The following NDRG2 variants were observed in gnomAD, a reference collection of about 807,000 sequenced individuals.
NDRG2 encodes the protein protein NDRG2.
NDRG2 carries 34 observed loss-of-function variants against 58.2 expected under a neutral mutation model. That is an observed-to-expected ratio of 0.58 (90% CI 0.44 to 0.78). The LOEUF (loss-of-function observed/expected upper bound fraction) is 0.78, where lower values mean the gene tolerates loss of function less well. NDRG2 is among the 30% of genes least tolerant of loss of function. NDRG2 has a pLI of 0.00. For synonymous variants in NDRG2, 187 were observed against 175.9 expected (o/e 1.06, Z -0.50); for missense variants, 434 against 471.2 (o/e 0.92, Z 0.73).
intron 1 of NDRG2, chr14:21,023,564 C>G: frequency 2.0e-6 from 1 of 502,914 alleles, no homozygotes; most frequent in Non-Finnish European, 3.5e-6. Flanking sequence ...CCCACTGCCA[C>G]CCTCAACACC....
chr14:21,040,168 T>C (rs1016265938), intron 1 of NDRG2, among the ~76,000 whole-genome samples: 6 of 152,182 alleles, frequency 3.9e-5, no homozygotes, highest in African/African-American at 1.4e-4. Flanking sequence ...AAGTTTGGGA[T>C]ACCTTAACAA....
chr14:21,024,726 G>T lies in NDRG2; in HGVS notation c.-703C>A, dbSNP rs1882836303. 1.0e-6 allele frequency: 1 copy of T among 985,318 alleles called. No homozygotes were observed. Among genetic ancestry groups the T allele is most frequent in the Admixed American group, 6.1e-5 (1 of 16,266 alleles). 61.0% of individuals were successfully genotyped at this position (985,318 alleles called of 1,614,324 possible). ...AGGGATGGGTAGGACAGAGGAGACC[G>T]GCCGGGCCCAGCACCCGGAACCCGT... On this transcript the variant is annotated 5_prime_UTR_variant, in exon 1 of 16. Transcript: ENST00000556147.
At chr14:21,020,343 G>A (rs1317697373) in intron 8 of NDRG2, 153 bp downstream of exon 8, 13 of 610,172 alleles carry the variant, frequency 2.1e-5, no homozygotes, top group Non-Finnish European at 3.2e-5. Flanking sequence ...GATATTATAA[G>A]AGACTCAGGC....
At chr14:21,018,112 A>G in intron 14 of NDRG2, 74 bp from the exon 15 acceptor site, 1 of 1,597,354 alleles carries the variant, frequency 6.3e-7, no homozygotes, top group Non-Finnish European at 8.6e-7. Flanking sequence ...AGGCTGCGGC[A>G]CTGTGGGGCC....
chr14:21,069,767 G>C (rs66574321), intron 1 of NDRG2, among the ~76,000 whole-genome samples: 13,900 of 152,262 alleles, frequency 0.091, 745 homozygotes, highest in African/African-American at 0.13. Context: ...TCCGCTCTCT[G>C]CTAGGCAGGC....
At chr14:21,028,608 T>G (rs1051958523), upstream of NDRG2, 3 of 152,116 alleles carry the variant, frequency 2.0e-5, no homozygotes, top group African/African-American at 7.2e-5. Context: ...CAAAAAGATT[T>G]AGCAATGAGA....
At chr14:21,023,922 C>A in intron 1 of NDRG2, 108 bp downstream of exon 1, 1 of 974,532 alleles carries the variant, frequency 1.0e-6, no homozygotes, top group Non-Finnish European at 1.2e-6. Flanking sequence ...ACCCTTCCTC[C>A]CAACTCTGAA....
chr14:21,043,525 TC>T, intron 1 of NDRG2: 1 of 1,089,518 alleles, frequency 9.2e-7, no homozygotes, highest in South Asian at 1.5e-5. Context: ...TCCGCACCAC[TC>T]CCCTACACCC....
intron 1 of NDRG2, among the ~76,000 whole-genome samples, chr14:21,051,115 T>C (rs1316088264): frequency 6.6e-6 from 1 of 152,256 alleles, no homozygotes; most frequent in Non-Finnish European, 1.5e-5. Context: ...GTGTACCCTC[T>C]GCACACATCT....
chr14:21,050,327 A>G (rs1247041983), intron 1 of NDRG2, among the ~76,000 whole-genome samples: 1 of 152,262 alleles, frequency 6.6e-6, no homozygotes, highest in Non-Finnish European at 1.5e-5. Context: ...GGAAACATAA[A>G]TAAGGATATG....
intron 1 of NDRG2, among the ~76,000 whole-genome samples, chr14:21,059,001 C>G (rs956699531): frequency 3.9e-5 from 6 of 152,258 alleles, no homozygotes; most frequent in African/African-American, 1.4e-4. Context: ...CCTGAGCAGG[C>G]ACAGTCTGGG....
chr14:21,021,842 T>A lies in NDRG2; in HGVS notation c.382A>T (p.Ile128Phe). 1 of 1,613,338 alleles carries A rather than the reference T, an allele frequency of 6.2e-7. No homozygotes were observed. The highest frequency in any genetic ancestry group is 8.5e-7 in the Non-Finnish European group (1 of 1,179,700). ...YPSLDQLADM[I>F]PCVLQYLNFS... ...TTTAGGTACTGCAGGACGCAAGGGATCATGTCTGCAAGCTGGTCCAGAGAT... is the reference window on the plus strand; with the variant it reads ...TTTAGGTACTGCAGGACGCAAGGGAACATGTCTGCAAGCTGGTCCAGAGAT... Residue 128 changes from isoleucine (I) to phenylalanine (F), a missense_variant, in exon 6 of 16, where the codon ATC (isoleucine) becomes TTC (phenylalanine). By Grantham distance (21) the Ile-to-Phe change is conservative. Coordinates refer to ENST00000556147, the MANE Select transcript of NDRG2 (RefSeq NM_001320329.2).
In NDRG2 at chr14:21,019,712, G is replaced by C. The variant is rs1446725846; in HGVS notation, c.643C>G (p.Gln215Glu). The change falls in exon 10 of 16, where the codon CAA becomes GAA. Residue 215 changes from glutamine (Q) to glutamate (E), a missense_variant. By Grantham distance (29) the Gln-to-Glu change is conservative. Transcript: ENST00000556147. ...TGTGTAATGATATTTCTGTACTTTT[G>C]TATCAACTCAGAATTTCCAGAGAGC... ...EELSGNSELI[Q>E]KYRNIITHAP... 6.2e-7 allele frequency: 1 copy of C among 1,613,444 alleles called. No individual in the cohort carries two copies. The highest frequency in any genetic ancestry group is 8.5e-7 in the Non-Finnish European group (1 of 1,179,440).
chr14:21,018,944 C>T (rs1381081478), intron 11 of NDRG2, 130 bp from the exon 12 acceptor site: 4 of 1,310,330 alleles, frequency 3.1e-6, no homozygotes, highest in Middle Eastern at 1.9e-4. Flanking sequence ...CCTGCTGATG[C>T]CACCAAGAGG....
intron 1 of NDRG2, among the ~76,000 whole-genome samples, chr14:21,065,497 A>C (rs1271441081): frequency 6.6e-6 from 1 of 152,218 alleles, no homozygotes; most frequent in African/African-American, 2.4e-5. Context: ...TTTATTTTTA[A>C]ATTATATGTG....
At chr14:21,029,798 G>T (rs1392657580), upstream of NDRG2, among the ~76,000 whole-genome samples, 3 of 152,090 alleles carry the variant, frequency 2.0e-5, no homozygotes, top group Non-Finnish European at 2.9e-5. Context: ...GCCATCTATG[G>T]ACCGGAAAGC....
rs1398582951 is a variant in NDRG2 at position 21,020,849 on chromosome 14, G to A, written c.408-5C>T. The A allele has an allele frequency of 1.2e-6, 2 of 1,613,116 alleles. No homozygotes were observed. Among genetic ancestry groups the A allele is most frequent in the South Asian group, 1.1e-5 (1 of 90,914 alleles). On this transcript the variant is annotated splice_region_variant and splice_polypyrimidine_tract_variant and intron_variant, in intron 6 of 15. Coordinates refer to ENST00000556147, the MANE Select transcript of NDRG2 (RefSeq NM_001320329.2). Reference sequence around the variant, plus strand: ...ACTCCAATTATTGTAGAGAAACTGTGAAAGGGAAAGAAATATACGCCTCAT... The same window carrying A: ...ACTCCAATTATTGTAGAGAAACTGTAAAAGGGAAAGAAATATACGCCTCAT...
At chr14:21,058,688 C>G (rs145072209) in intron 1 of NDRG2, among the ~76,000 whole-genome samples, 1 of 152,150 alleles carries the variant, frequency 6.6e-6, no homozygotes, top group Non-Finnish European at 1.5e-5. Flanking sequence ...AAATTACAAA[C>G]GTAAATAAGT....
intron 1 of NDRG2, chr14:21,058,266 T>G (rs776531008): frequency 2.4e-5 from 39 of 1,614,022 alleles, no homozygotes; most frequent in Non-Finnish European, 3.3e-5. Flanking sequence ...GAGAAGCACC[T>G]GAACACACCT....
Sources: allele counts gnomAD v4.1 joint callset (sites outside exome capture counted in the v4.1 genomes callset), GRCh38; gene constraint gnomAD v4.1.1; transcripts MANE v1.5; gene names NCBI Gene and HGNC (gene_info 2026-07-23, HGNC 2026-07-21).